Variants in CDH2 observed in about 807,000 individuals in gnomAD.
CDH2 encodes the protein cadherin 2, also known as cadherin-2.
A neutral mutation model predicts 92.0 loss-of-function variants in CDH2; 17 were observed. The observed-to-expected ratio is 0.18, with a 90% CI of 0.13 to 0.28. The LOEUF (loss-of-function observed/expected upper bound fraction) is 0.28, where lower values mean the gene tolerates loss of function less well. Among genes scored for constraint, CDH2 ranks in the 10% least tolerant of loss-of-function variants. The probability of loss-of-function intolerance (pLI) is 1.00; values close to 1 mark genes in which losing one functional copy is unlikely to be tolerated. For missense variants in CDH2, 862 were observed against 1,133.1 expected, an observed-to-expected ratio of 0.76 and a Z score of 3.44; for synonymous variants, 419 against 415.9, an observed-to-expected ratio of 1.01 and a Z score of -0.09.
At chr18:28,166,626 C>T (rs1170495375) in intron 1 of CDH2, among the ~76,000 whole-genome samples, 1 of 151,982 alleles carries the variant, frequency 6.6e-6, no homozygotes, top group African/African-American at 2.4e-5. Context: ...TGTGTAGAGG[C>T]AAAAGCAAGT....
intron 2 of CDH2, among the ~76,000 whole-genome samples, chr18:28,118,379 A>G (rs17536305): frequency 0.018 from 2,698 of 152,242 alleles, 103 homozygotes; most frequent in African/African-American, 0.062. Flanking sequence ...TAACATCAAT[A>G]TTGATCCTCA....
chr18:28,139,945 T>A (rs2015926277), intron 2 of CDH2, among the ~76,000 whole-genome samples: 1 of 151,940 alleles, frequency 6.6e-6, no homozygotes, highest in South Asian at 2.1e-4. Flanking sequence ...ACATCTCTGA[T>A]CTTCATCTCA....
intron 1 of CDH2, among the ~76,000 whole-genome samples, chr18:28,151,724 C>T (rs889537176): frequency 1.3e-5 from 2 of 152,200 alleles, no homozygotes; most frequent in African/African-American, 2.4e-5. Flanking sequence ...CTACCCTCAA[C>T]AAGTTATCTG....
intron 15 of CDH2, among the ~76,000 whole-genome samples, chr18:27,956,250 G>C (rs940166194): frequency 1.3e-5 from 2 of 152,148 alleles, no homozygotes; most frequent in African/African-American, 4.8e-5. Flanking sequence ...ACTAAATTTA[G>C]CAAAGTATCC....
chr18:28,119,698 C>T (rs1278776133), intron 2 of CDH2, among the ~76,000 whole-genome samples: 1 of 152,066 alleles, frequency 6.6e-6, no homozygotes, highest in African/African-American at 2.4e-5. Context: ...TCTTCTCCCA[C>T]AGTAATAGAT....
intron 15 of CDH2, among the ~76,000 whole-genome samples, chr18:27,957,761 G>A (rs2143869120): frequency 6.6e-6 from 1 of 152,234 alleles, no homozygotes; most frequent in South Asian, 2.1e-4. Context: ...GAAACAGCTA[G>A]AATCTAGATT....
At chr18:28,167,871 T>C (rs546520992) in intron 1 of CDH2, among the ~76,000 whole-genome samples, 4 of 152,238 alleles carry the variant, frequency 2.6e-5, no homozygotes, top group East Asian at 3.9e-4. Context: ...AAATAGACTT[T>C]AGCAAGAGAG....
chr18:27,999,933 C>T (rs1007271691), intron 7 of CDH2, among the ~76,000 whole-genome samples: 1 of 151,906 alleles, frequency 6.6e-6, no homozygotes, highest in Admixed American at 6.6e-5. Flanking sequence ...GTTTTATAAG[C>T]GTCTGGCATT....
intron 2 of CDH2, among the ~76,000 whole-genome samples, chr18:28,014,960 A>G (rs2013202142): frequency 6.6e-6 from 1 of 152,100 alleles, no homozygotes; most frequent in African/African-American, 2.4e-5. Context: ...ATAAAAAATG[A>G]TTTTTTTATT....
chr18:27,951,042 A>C lies in CDH2; in HGVS notation c.*1111T>G, dbSNP rs1218912930. The C allele has an allele frequency of 1.3e-5, 2 of 152,360 alleles. No homozygotes were observed. Among genetic ancestry groups the C allele is most frequent in the African/African-American group, 4.8e-5 (2 of 41,396 alleles). The allele number at this position is 152,360 out of a possible 1,614,324, so 9.4% of individuals were successfully genotyped here. Reference sequence around the variant, plus strand: ...ATTTATATTCTGGTACACAATACAGAGGCAAAGCTGTTGTCAGAAGTCTCT... The same window carrying C: ...ATTTATATTCTGGTACACAATACAGCGGCAAAGCTGTTGTCAGAAGTCTCT... On this transcript the variant is annotated 3_prime_UTR_variant, in exon 16 of 16. Transcript: ENST00000269141.
At chr18:27,963,812 A>T in intron 14 of CDH2, 1 of 302,292 alleles carries the variant, frequency 3.3e-6, no homozygotes, top group Non-Finnish European at 6.2e-6. Context: ...ACAACTAAAA[A>T]ACCGACTAGA....
At chr18:28,171,385 T>C (rs2016461909) in intron 1 of CDH2, among the ~76,000 whole-genome samples, 1 of 152,014 alleles carries the variant, frequency 6.6e-6, no homozygotes, top group African/African-American at 2.4e-5. Flanking sequence ...CTCATAAAAC[T>C]AATAAAAAAA....
intron 2 of CDH2, among the ~76,000 whole-genome samples, chr18:28,130,526 C>A (rs2015749952): frequency 6.6e-6 from 1 of 152,188 alleles, no homozygotes; most frequent in Admixed American, 6.5e-5. Flanking sequence ...AGGTATATAT[C>A]CACTCCAAAT....
chr18:27,982,707 G>T (rs1402887805), intron 14 of CDH2, among the ~76,000 whole-genome samples: 1 of 150,780 alleles, frequency 6.6e-6, no homozygotes, highest in African/African-American at 2.4e-5. Context: ...AACTAGAATT[G>T]GGTTTAAAGC....
chr18:28,015,049 C>G (rs780601593), intron 2 of CDH2, among the ~76,000 whole-genome samples: 1 of 152,044 alleles, frequency 6.6e-6, no homozygotes, highest in Non-Finnish European at 1.5e-5. Flanking sequence ...CGACATATTA[C>G]AAAATATAAT....
intron 2 of CDH2, among the ~76,000 whole-genome samples, chr18:28,128,634 C>T (rs890899443): frequency 6.6e-6 from 1 of 151,384 alleles, no homozygotes; most frequent in Non-Finnish European, 1.5e-5. Flanking sequence ...TGCAGACAGC[C>T]GTGATCATGC....
intron 2 of CDH2, among the ~76,000 whole-genome samples, chr18:28,053,171 A>G (rs981463818): frequency 2.0e-5 from 3 of 152,170 alleles, no homozygotes; most frequent in African/African-American, 7.2e-5. Flanking sequence ...TGTTTAAGCC[A>G]TGCAGCCTGT....
chr18:28,132,727 C>G (rs561315562), intron 2 of CDH2, among the ~76,000 whole-genome samples: 1 of 152,280 alleles, frequency 6.6e-6, no homozygotes, highest in Non-Finnish European at 1.5e-5. Context: ...TCAGGGGAGG[C>G]CACCATAGTG....
At chr18:27,933,220 A>G (rs145941186) in intron 6 of CDH2, among the ~76,000 whole-genome samples, 1 of 152,292 alleles carries the variant, frequency 6.6e-6, no homozygotes, top group East Asian at 1.9e-4. Flanking sequence ...TGGTAATATT[A>G]AATAAACCAA....
Sources: gnomAD v4.1 joint callset for allele counts (sites outside exome capture counted in the v4.1 genomes callset) on GRCh38, gnomAD v4.1.1 for gene constraint, MANE v1.5 for transcripts, NCBI Gene and HGNC (gene_info 2026-07-23, HGNC 2026-07-21) for gene names.